Variants in IFT122 observed in about 807,000 individuals in gnomAD.
IFT122 encodes intraflagellar transport 122.
A neutral mutation model predicts 161.6 loss-of-function variants in IFT122; 118 were observed. The ratio of observed to expected loss-of-function variants is 0.73; its 90% CI spans 0.63 to 0.85. The LOEUF (loss-of-function observed/expected upper bound fraction) is 0.85. Ranked by LOEUF, IFT122 falls within the 40% of genes least tolerant of loss-of-function variation. IFT122 has a pLI of 0.00. For missense variants in IFT122, 1,381 were observed against 1,579.6 expected (o/e 0.87, Z 2.13); for synonymous variants, 550 against 602.4 (o/e 0.91, Z 1.27).
intron 12 of IFT122, among the ~76,000 whole-genome samples, 166 bp downstream of exon 12, chr3:129,478,384 C>G (rs2078216234): frequency 6.6e-6 from 1 of 152,196 alleles, no homozygotes; most frequent in African/African-American, 2.4e-5. Context: ...TCTGGATGAA[C>G]CAGACTCTAT....
intron 18 of IFT122, 59 bp from the exon 19 acceptor site, chr3:129,499,843 T>G (rs1169291673): frequency 5.0e-6 from 8 of 1,601,842 alleles, no homozygotes; most frequent in Admixed American, 1.7e-5. Flanking sequence ...AAAAGCCTGA[T>G]GTAACGCTGG....
At chr3:129,485,460 G>A (rs1360519924) in intron 15 of IFT122, among the ~76,000 whole-genome samples, 1 of 152,176 alleles carries the variant, frequency 6.6e-6, no homozygotes, top group Non-Finnish European at 1.5e-5. Context: ...TGAGGAAAAA[G>A]ACCAGAAAGC....
intron 26 of IFT122, among the ~76,000 whole-genome samples, chr3:129,515,959 C>T (rs1423058105): frequency 2.7e-4 from 41 of 152,064 alleles, no homozygotes; most frequent in Admixed American, 2.7e-3. Context: ...GAAGCCCCTT[C>T]CCAGGAGCTG....
intron 17 of IFT122, among the ~76,000 whole-genome samples, chr3:129,493,652 G>A (rs1032072555): frequency 1.3e-5 from 2 of 152,190 alleles, no homozygotes; most frequent in Non-Finnish European, 2.9e-5. Context: ...AGGGGCATCT[G>A]TATATTCTGG....
At chr3:129,514,776 C>G in intron 25 of IFT122, 1 of 637,760 alleles carries the variant, frequency 1.6e-6, no homozygotes, top group Non-Finnish European at 2.8e-6. Context: ...CCCCCGGCCC[C>G]GGCCTCAGCC....
chr3:129,457,689 CATA>C (rs893364753), intron 3 of IFT122, among the ~76,000 whole-genome samples: 1 of 151,014 alleles, frequency 6.6e-6, no homozygotes, highest in Non-Finnish European at 1.5e-5. Context: ...GCATGGTGAC[CATA>C]GTTAATAATA....
At chr3:129,446,056 A>T (rs1577158905) in intron 1 of IFT122, among the ~76,000 whole-genome samples, 1 of 152,138 alleles carries the variant, frequency 6.6e-6, no homozygotes, top group Non-Finnish European at 1.5e-5. Context: ...ATGCCTCAGT[A>T]TACCTCTCTG....
At chr3:129,516,919 C>T (rs1424713273) in intron 26 of IFT122, among the ~76,000 whole-genome samples, 2 of 144,594 alleles carry the variant, frequency 1.4e-5, no homozygotes, top group Non-Finnish European at 3.0e-5. Flanking sequence ...ACCGCTCCTG[C>T]ACACACACGG....
At chr3:129,492,270 G>T in intron 17 of IFT122, 76 bp downstream of exon 17, 1 of 1,146,072 alleles carries the variant, frequency 8.7e-7, no homozygotes, top group South Asian at 1.2e-5. Context: ...CTTCTAACAG[G>T]CAAGAGCCTT....
Position 129,464,693 on chromosome 3 carries a change from C to T in IFT122, c.475C>T (p.Arg159Trp), listed in dbSNP as rs140547512. 4.3e-5 allele frequency: 69 copies of T among 1,614,030 alleles called. No homozygotes were observed. In the South Asian group the frequency reaches 4.3e-4, roughly 10 times the overall value. Residue 159 changes from arginine (R) to tryptophan (W), a missense_variant, in exon 7 of 30, where the codon CGG becomes TGG. Arg to Trp is a moderately radical substitution (Grantham distance 101). Around this residue, in one of 7 missense-constraint regions of IFT122, gnomAD observed 544 missense variants for 648.0 expected, o/e 0.84. Coordinates refer to ENST00000348417, the MANE Select transcript of IFT122 (RefSeq NM_052989.3). ...GATGTTCAATGGGATCATCAGCATA[C>T]GGAACAAAAATGGCGAGGAGAAAGT... ...LGMFNGIISI[R>W]NKNGEEKVKI...
chr3:129,519,621 C>T lies in IFT122; in HGVS notation c.3525C>T (p.Ser1175=). The T allele has an allele frequency of 1.2e-6, 2 of 1,613,662 alleles. No individual in the cohort carries two copies. The highest frequency in any genetic ancestry group is 1.3e-5 in the African/African-American group (1 of 75,048). ...PVVVSRLVLR[S]MSRRDVLIKR... ...TGGTGAGCCGGCTGGTGCTGCGCTCCATGAGCCGCCGGGATGTCCTCATCA... is the reference window on the plus strand; with the variant it reads ...TGGTGAGCCGGCTGGTGCTGCGCTCTATGAGCCGCCGGGATGTCCTCATCA... Residue 1175 remains serine, a synonymous_variant, in exon 29 of 30, where the codon TCC becomes TCT. Coordinates refer to ENST00000348417, the MANE Select transcript of IFT122 (RefSeq NM_052989.3).
chr3:129,504,564 TGAAA>T (rs1402363034), intron 21 of IFT122, 143 bp downstream of exon 21: 2 of 744,006 alleles, frequency 2.7e-6, no homozygotes, highest in Middle Eastern at 2.5e-4. Flanking sequence ...TGTTTGGTGG[TGAAA>T]GACTGTGGAG....
intron 19 of IFT122, among the ~76,000 whole-genome samples, chr3:129,500,582 T>C (rs929316958): frequency 1.2e-4 from 19 of 152,206 alleles, no homozygotes; most frequent in Non-Finnish European, 2.6e-4. Context: ...AGAATTCTTA[T>C]GGGAGGAACC....
intron 18 of IFT122, among the ~76,000 whole-genome samples, chr3:129,499,156 G>A (rs2081242049): frequency 6.6e-6 from 1 of 152,158 alleles, no homozygotes; most frequent in Non-Finnish European, 1.5e-5. Context: ...CCCACTGTCG[G>A]ATCAGGTTCT....
At chr3:129,452,816 C>T (rs534322065) in intron 3 of IFT122, among the ~76,000 whole-genome samples, 3 of 152,026 alleles carry the variant, frequency 2.0e-5, no homozygotes, top group African/African-American at 7.2e-5. Context: ...AGGGTTAGGA[C>T]ATCTGTGTGA....
chr3:129,449,994 T>C lies in IFT122; in HGVS notation c.108+57T>C, dbSNP rs560013262. The C allele has an allele frequency of 1.9e-5, 21 of 1,087,732 alleles. No individual in the cohort carries two copies. In the East Asian group the frequency reaches 4.9e-4, roughly 26 times the overall value. The allele number at this position is 1,087,732 out of a possible 1,614,324, so 67.4% of individuals were successfully genotyped here. On this transcript the variant is annotated intron_variant, in intron 2 of 29. Transcript: ENST00000348417. ...GCTTCCCTAACCTCCCTCTTGTGAG[T>C]ACTCTGAAATTTGACCCTTTTTTTT...
chr3:129,454,556 T>TGTGTGTGC (rs1023661478), intron 3 of IFT122, among the ~76,000 whole-genome samples: 16 of 150,188 alleles, frequency 1.1e-4, no homozygotes, highest in South Asian at 2.1e-4. Context: ...TGTGTGTGTG[T>TGTGTGTGC]GCATGTTTGA....
chr3:129,492,904 G>T (rs1027522992), intron 17 of IFT122, among the ~76,000 whole-genome samples: 3 of 146,324 alleles, frequency 2.1e-5, no homozygotes, highest in Non-Finnish European at 4.5e-5. Context: ...CTGCAGCATA[G>T]ACCTCCCAGG....
chr3:129,490,775 G>A (rs2079985793), intron 16 of IFT122, among the ~76,000 whole-genome samples: 3 of 152,332 alleles, frequency 2.0e-5, no homozygotes, highest in South Asian at 4.1e-4. Flanking sequence ...TCTAGAGGGT[G>A]ATGTGTAAGA....
Sources: gnomAD v4.1 joint callset for allele counts (sites outside exome capture counted in the v4.1 genomes callset) on GRCh38, gnomAD v4.1.1 for gene constraint, gnomAD v4.1.1 regional missense constraint, MANE v1.5 for transcripts, NCBI Gene and HGNC (gene_info 2026-07-23, HGNC 2026-07-21) for gene names.